The following PCBP3 variants were observed in gnomAD, a reference collection of about 807,000 sequenced individuals.
PCBP3 encodes the protein poly(rC) binding protein 3.
A neutral mutation model predicts 52.7 loss-of-function variants in PCBP3; 25 were observed. That is an observed-to-expected ratio of 0.47 (90% confidence interval 0.35 to 0.66). PCBP3 has a LOEUF of 0.66. PCBP3 is among the 30% of genes least tolerant of loss of function. PCBP3 has a pLI of 0.01. For synonymous variants in PCBP3, 162 were observed against 183.0 expected (o/e 0.89, Z 0.93); for missense variants, 391 against 490.3 (o/e 0.80, Z 1.91).
chr21:45,823,564 T>G (rs1239733204), intron 4 of PCBP3, among the ~76,000 whole-genome samples: 5 of 152,060 alleles, frequency 3.3e-5, no homozygotes, highest in Non-Finnish European at 7.4e-5. Context: ...TGTGTGGGCT[T>G]GGCATGGGCT....
At chr21:45,818,719 A>G (rs1416393747) in intron 4 of PCBP3, among the ~76,000 whole-genome samples, 1 of 152,258 alleles carries the variant, frequency 6.6e-6, no homozygotes. Context: ...ACAGATGTTT[A>G]TAGCAGCTTT....
chr21:45,894,109 CA>C, intron 5 of PCBP3: 1 of 866,294 alleles, frequency 1.2e-6, no homozygotes, highest in South Asian at 5.3e-5. Context: ...CTGACTGGAG[CA>C]GGGTAGGTCC....
chr21:45,861,482 C>T (rs902869106), intron 5 of PCBP3, among the ~76,000 whole-genome samples: 4 of 152,192 alleles, frequency 2.6e-5, no homozygotes, highest in African/African-American at 7.2e-5. Context: ...GGCCAGAGCA[C>T]GCCTTGAGTG....
chr21:45,770,242 T>C (rs529460414), intron 4 of PCBP3, among the ~76,000 whole-genome samples: 1 of 152,368 alleles, frequency 6.6e-6, no homozygotes, highest in South Asian at 2.1e-4. Context: ...TTTTGATCAT[T>C]TCTTCTCATG....
chr21:45,840,664 G>A (rs1013363376), intron 4 of PCBP3, among the ~76,000 whole-genome samples: 1 of 152,114 alleles, frequency 6.6e-6, no homozygotes, highest in African/African-American at 2.4e-5. Context: ...CATAATAAGT[G>A]CCCTAGACAG....
intron 4 of PCBP3, among the ~76,000 whole-genome samples, chr21:45,819,972 A>C (rs1217609107): frequency 1.3e-5 from 2 of 152,232 alleles, no homozygotes; most frequent in African/African-American, 4.8e-5. Context: ...TCTGCCCATC[A>C]TGCTGTCACT....
At chr21:45,789,636 G>A (rs796919162) in intron 4 of PCBP3, among the ~76,000 whole-genome samples, 4 of 152,308 alleles carry the variant, frequency 2.6e-5, no homozygotes, top group African/African-American at 9.6e-5. Flanking sequence ...GGAGCAGAGC[G>A]AGCAAGGGAG....
At position 45,853,430 on chromosome 21, in the gene PCBP3, G is replaced by C. The variant is rs1350255212; in HGVS notation, c.10+3335G>C. On this transcript the variant is annotated intron_variant, in intron 5 of 17. Transcript: ENST00000681687. The surrounding 1 kb of genome is among the most constrained non-coding windows in gnomAD (Gnocchi z 4.6). ...AAAACACACAAACAAAGCAAGGAAAGAATGAAGCAGTGAGAGCAGAGATTT... is the reference window on the plus strand; with the variant it reads ...AAAACACACAAACAAAGCAAGGAAACAATGAAGCAGTGAGAGCAGAGATTT... Among the ~76,000 whole-genome samples the C allele has an allele frequency of 6.6e-6, 1 of 152,222 alleles. No homozygotes were observed. Among genetic ancestry groups the C allele is most frequent in the Non-Finnish European group, 1.5e-5 (1 of 68,036 alleles).
intron 4 of PCBP3, among the ~76,000 whole-genome samples, chr21:45,790,111 G>T (rs1049437628): frequency 2.0e-5 from 3 of 152,168 alleles, no homozygotes; most frequent in African/African-American, 7.2e-5. Context: ...CTGCACTCCA[G>T]CTTGGGCGAC....
chr21:45,688,181 C>T (rs917565792), intron 2 of PCBP3, among the ~76,000 whole-genome samples: 1 of 152,090 alleles, frequency 6.6e-6, no homozygotes, highest in Non-Finnish European at 1.5e-5. Context: ...AGCAAGTAGA[C>T]ATGAAATCAA....
intron 15 of PCBP3, among the ~76,000 whole-genome samples, chr21:45,932,488 C>T (rs1254372524): frequency 2.0e-5 from 3 of 151,776 alleles, no homozygotes; most frequent in Non-Finnish European, 4.4e-5. Flanking sequence ...GATGAACGAA[C>T]ACCTGGGCCA....
chr21:45,863,530 A>T (rs1175253621), intron 5 of PCBP3, among the ~76,000 whole-genome samples: 1 of 152,186 alleles, frequency 6.6e-6, no homozygotes, highest in Non-Finnish European at 1.5e-5. Context: ...CCACCCTCCA[A>T]GGGCATGAGG....
intron 5 of PCBP3, among the ~76,000 whole-genome samples, chr21:45,852,452 A>C (rs1447698365): frequency 5.6e-5 from 5 of 90,078 alleles, no homozygotes; most frequent in African/African-American, 1.6e-4. Context: ...GTTCGGAAGG[A>C]ACACAGCCCT....
intron 15 of PCBP3, among the ~76,000 whole-genome samples, chr21:45,932,355 G>A (rs900669359): frequency 4.1e-4 from 45 of 109,162 alleles, no homozygotes; most frequent in South Asian, 9.7e-4. Context: ...CCTGAGATGA[G>A]TGAACACCTG....
intron 6 of PCBP3, among the ~76,000 whole-genome samples, chr21:45,897,959 C>T (rs186816099): frequency 2.6e-5 from 4 of 152,248 alleles, no homozygotes; most frequent in Admixed American, 6.5e-5. Context: ...GGCCTCCCGC[C>T]GGGAGGAGGC....
rs903092751 is a variant in PCBP3 at position 45,896,297 on chromosome 21, G to A, written c.100G>A (p.Glu34Lys). The A allele has an allele frequency of 1.2e-5, 18 of 1,552,118 alleles. No individual in the cohort carries two copies. Among genetic ancestry groups the A allele is most frequent in the Non-Finnish European group, 1.6e-5 (18 of 1,147,144 alleles). ...HPQPQFGRRM[E>K]SKVSEGGLNV... ...TCAGCCACAATTTGGCAGAAGGATG[G>A]AGTCCAAGGTCTCAGAAGGTGGCCT... is the stretch of plus-strand genomic sequence containing the variant. Residue 34 changes from glutamate to lysine, a missense_variant, in exon 6 of 18, where the codon GAG becomes AAG. Glu to Lys is a moderately conservative substitution (Grantham distance 56, BLOSUM62 1). Coordinates refer to ENST00000681687, the MANE Select transcript of PCBP3 (RefSeq NM_001384156.1).
At chr21:45,906,644 C>G (rs903291123) in intron 9 of PCBP3, among the ~76,000 whole-genome samples, 1 of 152,152 alleles carries the variant, frequency 6.6e-6, no homozygotes, top group African/African-American at 2.4e-5. Flanking sequence ...TACCCGGAGT[C>G]TACACCCACC....
intron 2 of PCBP3, among the ~76,000 whole-genome samples, chr21:45,676,224 A>G (rs1301734696): frequency 6.6e-6 from 1 of 152,192 alleles, no homozygotes; most frequent in African/African-American, 2.4e-5. Flanking sequence ...TGTTACTTCA[A>G]AGGAATTAAC....
At chr21:45,882,111 C>T (rs934875173) in intron 5 of PCBP3, among the ~76,000 whole-genome samples, 11 of 152,152 alleles carry the variant, frequency 7.2e-5, no homozygotes, top group African/African-American at 2.7e-4. Context: ...ACTTCCGTAC[C>T]GTTCTCCATA....
Sources: allele counts gnomAD v4.1 joint callset (sites outside exome capture counted in the v4.1 genomes callset), GRCh38; gene constraint gnomAD v4.1.1; non-coding constraint Gnocchi (gnomAD v3.1); transcripts MANE v1.5; gene names NCBI Gene and HGNC (gene_info 2026-07-23, HGNC 2026-07-21).